The following LIX1L variants were observed in gnomAD, a reference collection of about 807,000 sequenced individuals.
LIX1L encodes limb and CNS expressed 1 like.
Under a neutral mutation model 34.0 loss-of-function variants are expected in LIX1L, and 20 were observed. The observed-to-expected ratio is 0.59, with a 90% CI of 0.41 to 0.85. The LOEUF is 0.85. Among genes scored for constraint, LIX1L ranks in the 40% least tolerant of loss-of-function variants. LIX1L has a pLI of 0.00. For missense variants in LIX1L, 397 were observed against 447.0 expected, an observed-to-expected ratio of 0.89 and a Z score of 1.01; for synonymous variants, 170 against 187.4, an observed-to-expected ratio of 0.91 and a Z score of 0.76.
chr1:145,954,061 T>TAAA (rs782203618), intron 1 of LIX1L, among the ~76,000 whole-genome samples: 3 of 140,576 alleles, frequency 2.1e-5, no homozygotes, highest in Admixed American at 7.2e-5. Context: ...TTCCATTTCT[T>TAAA]AAAAAAAAAA....
In LIX1L at chr1:145,936,987, T is replaced by TG. The variant is rs781846228; in HGVS notation, c.694-3dup. 4.2e-5 allele frequency: 67 copies of TG among 1,607,598 alleles called. No homozygotes were observed. The African/African-American group carries it at 6.3e-4, about 15-fold the overall frequency. On this transcript the variant is annotated splice_polypyrimidine_tract_variant and splice_region_variant and intron_variant, in intron 4 of 5. Coordinates refer to ENST00000604000, the MANE Select transcript of LIX1L (RefSeq NM_153713.3). ...CAGTTGAAAAACTGTCATTAGCTCCTGGGGGAAGAGGATAGGAAGTACCAG... is the reference window on the plus strand; with the variant it reads ...CAGTTGAAAAACTGTCATTAGCTCCTGGGGGGAAGAGGATAGGAAGTACCAG...
intron 1 of LIX1L, among the ~76,000 whole-genome samples, chr1:145,951,514 T>G (rs587620402): frequency 6.6e-6 from 1 of 152,292 alleles, no homozygotes; most frequent in Admixed American, 6.5e-5. Context: ...AAAGACAGCA[T>G]GAGGGCACAT....
At position 145,948,496 on chromosome 1, in the gene LIX1L, C is replaced by T. The variant is rs1649183877; in HGVS notation, c.293-714G>A. 6.6e-6 allele frequency among the ~76,000 whole-genome samples: 1 copy of T among 152,298 alleles called. No homozygotes were observed. The stretch of plus-strand genomic sequence containing the variant: ...TTCTCGAGCCTGTGCTTCTAGTGAG[C>T]ACATCCATTGCCAGATTCCTTTTCC... On this transcript the variant is annotated intron_variant, in intron 1 of 5. Coordinates refer to ENST00000604000, the MANE Select transcript of LIX1L (RefSeq NM_153713.3). This position sits in a 1 kb window ranked among gnomAD's most constrained non-coding sequence, Gnocchi z 4.0.
At chr1:145,956,194 C>T (rs1190341151) in intron 1 of LIX1L, among the ~76,000 whole-genome samples, 2 of 152,162 alleles carry the variant, frequency 1.3e-5, no homozygotes, top group Non-Finnish European at 2.9e-5. Context: ...CAGCACCTAG[C>T]AGAGTTCCTG....
At position 145,957,770 on chromosome 1, in the gene LIX1L, G is replaced by T; in HGVS notation, c.158C>A (p.Pro53Gln). The change falls in exon 1 of 6, where the codon CCG (proline) becomes CAG (glutamine). Residue 53 changes from proline (P) to glutamine (Q), a missense_variant. Coordinates refer to ENST00000604000, the MANE Select transcript of LIX1L (RefSeq NM_153713.3). ...PPAPPPPAPP[P>Q]PPLLLSGAPG... is the part of the protein sequence containing the mutation. ...GGCCCCAGACAGGAGCAGCGGCGGC[G>T]GGGGCGGTGCGGGAGGCGGCGGGGC... The T allele has an allele frequency of 1.5e-6, 2 of 1,348,950 alleles. No individual in the cohort carries two copies. The highest frequency in any genetic ancestry group is 1.9e-6 in the Non-Finnish European group (2 of 1,059,076). 83.6% of individuals were successfully genotyped at this position (1,348,950 alleles called of 1,614,324 possible).
At chr1:145,951,555 G>A (rs1649300705) in intron 1 of LIX1L, among the ~76,000 whole-genome samples, 1 of 151,638 alleles carries the variant, frequency 6.6e-6, no homozygotes, top group African/African-American at 2.4e-5. Flanking sequence ...CTCTGTCATG[G>A]GCAAAAAAAA....
chr1:145,936,736 C>A (rs1559237235), intron 5 of LIX1L, 172 bp downstream of exon 5: 1 of 817,058 alleles, frequency 1.2e-6, no homozygotes, highest in Non-Finnish European at 2.0e-6. Flanking sequence ...AGAATCACAG[C>A]TAATATTTAC....
At chr1:145,952,457 G>C (rs1414732266) in intron 1 of LIX1L, among the ~76,000 whole-genome samples, 1 of 152,120 alleles carries the variant, frequency 6.6e-6, no homozygotes, top group African/African-American at 2.4e-5. Context: ...TCTCTCACAA[G>C]AAAGACCAAG....
chr1:145,939,645 T>C (rs1229319886), intron 3 of LIX1L, among the ~76,000 whole-genome samples: 3 of 149,490 alleles, frequency 2.0e-5, no homozygotes, highest in Non-Finnish European at 3.0e-5. Context: ...TTTCTTTTTT[T>C]TTTTTTTTTT....
intron 4 of LIX1L, among the ~76,000 whole-genome samples, 170 bp from the exon 5 acceptor site, chr1:145,937,155 TTTATTTATTTATTTATTTAC>T (rs1358452102): frequency 9.4e-5 from 14 of 149,560 alleles, no homozygotes; most frequent in South Asian, 4.3e-4. Flanking sequence ...TATTTATTTA[TTTATTTATTTATTTATTTAC>T]TTACTTACTT....
At chr1:145,944,777 C>T (rs144726781) in intron 2 of LIX1L, among the ~76,000 whole-genome samples, 1 of 152,168 alleles carries the variant, frequency 6.6e-6, no homozygotes, top group Non-Finnish European at 1.5e-5. Context: ...CCTGTAATCC[C>T]AGCACTTTGG....
chr1:145,951,044 C>CTTGCTTG (rs1649280913), intron 1 of LIX1L, among the ~76,000 whole-genome samples: 1 of 152,136 alleles, frequency 6.6e-6, no homozygotes, highest in East Asian at 1.9e-4. Context: ...TTCCTGCAAG[C>CTTGCTTG]AAGGAATTTA....
intron 2 of LIX1L, 107 bp downstream of exon 2, chr1:145,947,512 G>C (rs1649155510): frequency 7.5e-6 from 9 of 1,196,890 alleles, no homozygotes; most frequent in Non-Finnish European, 1.2e-6. Flanking sequence ...AATTGCTTTA[G>C]GTCCTCAAAT....
chr1:145,937,483 T>G, intron 4 of LIX1L, 121 bp downstream of exon 4: 1 of 638,242 alleles, frequency 1.6e-6, no homozygotes, highest in African/African-American at 1.9e-5. Flanking sequence ...TTTTGAAAAA[T>G]AGTGTAACAA....
rs587732893 is a variant in LIX1L, at chr1:145,951,362, A to G, written c.293-3580T>C. ...GCGCCCAGCAAGCAAGGAATTTGAA[A>G]TCAGTGGCCAATAATAAATTATCTC... On this transcript the variant is annotated intron_variant, in intron 1 of 5. Transcript: ENST00000604000. Among the ~76,000 whole-genome samples the G allele has an allele frequency of 2.0e-5, 3 of 152,338 alleles. No individual in the cohort carries two copies. The South Asian group carries it at 6.2e-4, about 32-fold the overall frequency.
rs1168982777 is a variant in LIX1L, at chr1:145,948,367, G to A, written c.293-585C>T. On this transcript the variant is annotated intron_variant, in intron 1 of 5. Transcript: ENST00000604000. This position sits in a 1 kb window ranked among gnomAD's most constrained non-coding sequence, Gnocchi z 4.0. ...AAATAACTTGCCCAAGGTTATGCCA[G>A]GAGAAAGTAGCAGTTTGAGTATTCA... Among the ~76,000 whole-genome samples, 1 of 152,204 alleles carries A rather than the reference G, an allele frequency of 6.6e-6. No individual in the cohort carries two copies. The highest frequency in any genetic ancestry group is 1.5e-5 in the Non-Finnish European group (1 of 68,042).
At chr1:145,947,283 G>T in intron 2 of LIX1L, 1 of 253,278 alleles carries the variant, frequency 3.9e-6, no homozygotes, top group East Asian at 7.7e-5. Flanking sequence ...AAGGAATATT[G>T]TTCTATATCC....
rs143388763 is a variant in LIX1L, at chr1:145,943,769, C to G, written c.457-916G>C. ...AGTAGACCAAGGCCGGGCTTGGTGG[C>G]TCACACCTGTAATCCCAGCACTTTG... On this transcript the variant is annotated intron_variant, in intron 2 of 5. Coordinates refer to ENST00000604000, the MANE Select transcript of LIX1L (RefSeq NM_153713.3). 7.9e-4 allele frequency among the ~76,000 whole-genome samples: 120 copies of G among 152,138 alleles called. 1 individual carries two copies. The East Asian group carries it at 0.017, about 21-fold the overall frequency.
At chr1:145,943,462 C>T (rs1221008750) in intron 2 of LIX1L, among the ~76,000 whole-genome samples, 1 of 152,026 alleles carries the variant, frequency 6.6e-6, no homozygotes, top group African/African-American at 2.4e-5. Flanking sequence ...CTTCTTTTTT[C>T]CCCACAGTGG....
Sources: gnomAD v4.1 joint callset for allele counts (sites outside exome capture counted in the v4.1 genomes callset) on GRCh38, gnomAD v4.1.1 for gene constraint, Gnocchi (gnomAD v3.1) non-coding constraint, MANE v1.5 for transcripts, NCBI Gene and HGNC (gene_info 2026-07-23, HGNC 2026-07-21) for gene names.